The following HMCN1 variants were observed in gnomAD, a reference collection of about 807,000 sequenced individuals.
HMCN1 encodes hemicentin-1.
In HMCN1, 321 loss-of-function variants were observed where a neutral mutation model predicts 625.9. That is an observed-to-expected ratio of 0.51 (90% CI 0.47 to 0.56). The LOEUF (loss-of-function observed/expected upper bound fraction) is 0.56. Ranked by LOEUF, HMCN1 falls within the 20% of genes least tolerant of loss-of-function variation. The probability of loss-of-function intolerance (pLI) is 0.00; values close to 1 mark genes in which losing one functional copy is unlikely to be tolerated. For synonymous variants in HMCN1, 2,425 were observed against 2,417.6 expected (o/e 1.00, Z -0.09); for missense variants, 6,588 against 6,887.3 (o/e 0.96, Z 1.54).
intron 4 of HMCN1, among the ~76,000 whole-genome samples, chr1:185,909,045 T>C (rs961698255): frequency 3.9e-5 from 6 of 152,026 alleles, no homozygotes; most frequent in African/African-American, 1.4e-4. Flanking sequence ...GAACTGTCAA[T>C]AATATCTCTG....
chr1:186,125,636 T>C lies in HMCN1; in HGVS notation c.12532T>C (p.Tyr4178His), dbSNP rs750431392. Residue 4178 changes from tyrosine to histidine, a missense_variant, in exon 82 of 107, where the codon TAC becomes CAC. Tyr to His is a moderately conservative substitution (Grantham distance 83). This residue lies in a region of HMCN1 where 1,954 missense variants were observed against 2,013.1 expected (regional missense o/e 0.97). Transcript: ENST00000271588. ...CAGGATCAGAAGTACAGAAGGACAC[T>C]ACACGGTCAATGAGAATTCACAAGC... ...PPRIRSTEGHYTVNENSQAIL... is the reference protein window; with the variant it reads ...PPRIRSTEGHHTVNENSQAIL... 2 of 1,613,372 alleles carry C rather than the reference T, an allele frequency of 1.2e-6. No individual in the cohort carries two copies. The highest frequency in any genetic ancestry group is 1.7e-6 in the Non-Finnish European group (2 of 1,179,434).
intron 82 of HMCN1, among the ~76,000 whole-genome samples, chr1:186,127,562 A>G (rs981179022): frequency 1.3e-5 from 2 of 152,162 alleles, no homozygotes; most frequent in African/African-American, 4.8e-5. Flanking sequence ...TCGCATAGAA[A>G]GGACTCATAA....
chr1:185,912,909 T>G (rs1297062590), intron 6 of HMCN1, among the ~76,000 whole-genome samples: 1 of 152,128 alleles, frequency 6.6e-6, no homozygotes, highest in Non-Finnish European at 1.5e-5. Flanking sequence ...TTTCCTTACA[T>G]AAAAAATGGA....
rs528653074 is a variant in HMCN1 at position 185,963,124 on chromosome 1, T to C, written c.1970+465T>C. 1.4e-4 allele frequency among the ~76,000 whole-genome samples: 21 copies of C among 152,272 alleles called. No individual in the cohort carries two copies. In the South Asian group the frequency reaches 3.3e-3, roughly 24 times the overall value. ...TTTGCCAAACTACAGTGGGAAGTAT[T>C]TTATTTCACTGGGTGCTTTTTAAAA... On this transcript the variant is annotated intron_variant, in intron 12 of 106. Transcript: ENST00000271588.
At chr1:186,146,777 G>T (rs1650342195) in intron 93 of HMCN1, among the ~76,000 whole-genome samples, 1 of 152,088 alleles carries the variant, frequency 6.6e-6, no homozygotes, top group Non-Finnish European at 1.5e-5. Flanking sequence ...TTCAGTTGAT[G>T]CACTTTGTAG....
At chr1:186,021,155 GTATT>G (rs1193168424) in intron 35 of HMCN1, among the ~76,000 whole-genome samples, 4 of 152,006 alleles carry the variant, frequency 2.6e-5, no homozygotes, top group African/African-American at 9.7e-5. Context: ...GATTGGTGAG[GTATT>G]TATTAGTTAA....
intron 55 of HMCN1, among the ~76,000 whole-genome samples, chr1:186,079,873 C>T (rs1438821284): frequency 1.3e-4 from 20 of 152,136 alleles, no homozygotes; most frequent in Non-Finnish European, 1.6e-4. Context: ...TTCAAGTCTG[C>T]TGCTCACCTC....
chr1:185,894,612 T>A (rs1315694888), intron 4 of HMCN1, among the ~76,000 whole-genome samples: 1 of 152,250 alleles, frequency 6.6e-6, no homozygotes, highest in Non-Finnish European at 1.5e-5. Context: ...CTGTCACCCA[T>A]GTATAAGAAT....
chr1:186,023,105 A>G lies in HMCN1; in HGVS notation c.5701A>G (p.Thr1901Ala). 1 of 1,613,228 alleles carries G rather than the reference A, an allele frequency of 6.2e-7. No individual in the cohort carries two copies. Among genetic ancestry groups the G allele is most frequent in the South Asian group, 1.1e-5 (1 of 91,074 alleles). ...EDAGRYTCVA[T>A]NAAGETQQHI... ...TGCTGGCAGATACACATGTGTGGCT[A>G]CCAACGCAGCTGGAGAAACACAACA... is the stretch of plus-strand genomic sequence containing the variant. Residue 1901 changes from threonine to alanine, a missense_variant, in exon 36 of 107, where the codon ACC (threonine) becomes GCC (alanine). Physicochemically the swap from Thr to Ala is moderately conservative, Grantham distance 58. Around this residue, in one of 3 missense-constraint regions of HMCN1, gnomAD observed 4,628 missense variants for 4,853.1 expected, o/e 0.95. Coordinates refer to ENST00000271588, the MANE Select transcript of HMCN1 (RefSeq NM_031935.3).
chr1:185,734,854 C>A lies in HMCN1; in HGVS notation c.75C>A (p.Ser25Arg). The A allele has an allele frequency of 1.2e-6, 2 of 1,613,672 alleles. No individual in the cohort carries two copies. The highest frequency in any genetic ancestry group is 1.3e-5 in the African/African-American group (1 of 74,992). ...LLYSSLAQDA[S>R]PQSEIRAEEI... Reference sequence around the variant, plus strand: ...ATTCTTCCCTAGCTCAAGATGCGAGCCCCCAGTCAGAGATCAGAGCTGAGG... The same window carrying A: ...ATTCTTCCCTAGCTCAAGATGCGAGACCCCAGTCAGAGATCAGAGCTGAGG... Residue 25 changes from serine (S) to arginine (R), a missense_variant, in exon 1 of 107, where the codon AGC becomes AGA. This residue lies in a region of HMCN1 where 4,628 missense variants were observed against 4,853.1 expected (regional missense o/e 0.95). Coordinates refer to ENST00000271588, the MANE Select transcript of HMCN1 (RefSeq NM_031935.3).
intron 1 of HMCN1, among the ~76,000 whole-genome samples, chr1:185,793,608 A>C (rs1216600174): frequency 6.6e-6 from 1 of 152,194 alleles, no homozygotes. Context: ...TATCATAGTT[A>C]CCTTAATATG....
chr1:185,942,390 T>C (rs983882332), intron 11 of HMCN1, among the ~76,000 whole-genome samples: 2 of 152,126 alleles, frequency 1.3e-5, no homozygotes, highest in African/African-American at 4.8e-5. Flanking sequence ...GTCTAGGTGT[T>C]GGAGAGGTTA....
intron 1 of HMCN1, among the ~76,000 whole-genome samples, chr1:185,740,399 A>G (rs1653903228): frequency 6.6e-6 from 1 of 152,216 alleles, no homozygotes. Flanking sequence ...TTTGAAGATG[A>G]AACCAAAAGG....
intron 2 of HMCN1, among the ~76,000 whole-genome samples, chr1:185,863,322 C>G (rs903380972): frequency 2.0e-5 from 3 of 152,176 alleles, no homozygotes; most frequent in Non-Finnish European, 4.4e-5. Context: ...ATGCCCAAAT[C>G]TCAGCAGGGT....
chr1:186,084,547 C>A (rs1319785253), intron 57 of HMCN1, among the ~76,000 whole-genome samples: 1 of 152,020 alleles, frequency 6.6e-6, no homozygotes, highest in East Asian at 1.9e-4. Flanking sequence ...TTTGTTATCT[C>A]CCTCTACAAC....
At chr1:186,176,360 A>G (rs186270622) in intron 103 of HMCN1, among the ~76,000 whole-genome samples, 98 of 152,342 alleles carry the variant, frequency 6.4e-4, no homozygotes, top group African/African-American at 2.2e-3. Flanking sequence ...ATGGAAGATT[A>G]GAGACACTAG....
At chr1:185,812,808 A>G (rs1054454003) in intron 1 of HMCN1, among the ~76,000 whole-genome samples, 19 of 151,790 alleles carry the variant, frequency 1.3e-4, no homozygotes, top group African/African-American at 4.1e-4. Context: ...ATCCCCCCCC[A>G]CACACATTCC....
chr1:185,927,457 A>G (rs1667335777), intron 9 of HMCN1, among the ~76,000 whole-genome samples: 1 of 152,216 alleles, frequency 6.6e-6, no homozygotes, highest in Non-Finnish European at 1.5e-5. Context: ...GAATTTTCTC[A>G]GCTACTAAAA....
At chr1:185,931,646 G>A (rs1667555999) in intron 10 of HMCN1, among the ~76,000 whole-genome samples, 1 of 152,132 alleles carries the variant, frequency 6.6e-6, no homozygotes, top group African/African-American at 2.4e-5. Context: ...GTAAGGGGAT[G>A]AAGGAAGTGG....
Sources: gnomAD v4.1 joint callset for allele counts (sites outside exome capture counted in the v4.1 genomes callset) on GRCh38, gnomAD v4.1.1 for gene constraint, gnomAD v4.1.1 regional missense constraint, MANE v1.5 for transcripts, NCBI Gene and HGNC (gene_info 2026-07-23, HGNC 2026-07-21) for gene names.